MALRD1: variants seen among roughly 807,000 people sequenced by gnomAD.
The protein encoded by MALRD1 is MAM and LDL-receptor class A domain-containing protein 1.
MALRD1 carries 247 observed loss-of-function variants against 242.1 expected under a neutral mutation model. That is an observed-to-expected ratio of 1.02 (90% CI 0.92 to 1.13). The LOEUF (loss-of-function observed/expected upper bound fraction) is 1.13, where lower values mean the gene tolerates loss of function less well. Ranked by LOEUF, MALRD1 falls within the 50% of genes most tolerant of loss-of-function variation. The pLI, the probability that MALRD1 is intolerant of heterozygous loss-of-function variation, is 0.00. For missense variants in MALRD1, 2,989 were observed against 2,533.1 expected (o/e 1.18, Z -3.86); for synonymous variants, 995 against 866.6 (o/e 1.15, Z -2.60).
Position 19,579,205 on chromosome 10 carries a change from G to A in MALRD1, c.5680+11502G>A, listed in dbSNP as rs986048344. On this transcript the variant is annotated intron_variant, in intron 33 of 39. Transcript: ENST00000454679. ...TTGTTCTATTTGATTGCATCATAAA[G>A]TAGTTGAGATATTGCACCTGGAAGG... is the stretch of plus-strand genomic sequence containing the variant. Among the ~76,000 whole-genome samples the A allele has an allele frequency of 2.0e-5, 3 of 152,278 alleles. No homozygotes were observed. The East Asian group carries it at 5.8e-4, about 29-fold the overall frequency.
chr10:19,270,160 C>A (rs1050868815), intron 19 of MALRD1, among the ~76,000 whole-genome samples: 3 of 152,054 alleles, frequency 2.0e-5, no homozygotes, highest in African/African-American at 7.2e-5. Flanking sequence ...ACTGAAAATA[C>A]AAAAACTTAG....
At chr10:19,094,779 C>T (rs1293219712) in intron 4 of MALRD1, among the ~76,000 whole-genome samples, 1 of 152,196 alleles carries the variant, frequency 6.6e-6, no homozygotes, top group African/African-American at 2.4e-5. Flanking sequence ...AAACTTAACA[C>T]AGTCTTTATT....
intron 23 of MALRD1, 90 bp downstream of exon 23, chr10:19,327,763 C>T (rs1308728627): frequency 6.6e-6 from 7 of 1,055,364 alleles, no homozygotes; most frequent in Non-Finnish European, 9.8e-6. Flanking sequence ...GTCTTCTTGC[C>T]CCCATTCCCT....
intron 5 of MALRD1, among the ~76,000 whole-genome samples, chr10:19,122,093 G>T (rs1223776445): frequency 6.6e-6 from 1 of 152,160 alleles, no homozygotes; most frequent in Non-Finnish European, 1.5e-5. Context: ...TAGAGTTTTT[G>T]CCATGAGAGT....
intron 21 of MALRD1, among the ~76,000 whole-genome samples, chr10:19,299,520 A>G (rs886131023): frequency 6.6e-5 from 10 of 152,000 alleles, no homozygotes; most frequent in African/African-American, 2.2e-4. Context: ...ACCTGAATTC[A>G]TAAAACAAAT....
intron 14 of MALRD1, among the ~76,000 whole-genome samples, chr10:19,198,445 A>C (rs975347742): frequency 3.3e-5 from 5 of 152,230 alleles, no homozygotes; most frequent in African/African-American, 1.2e-4. Flanking sequence ...ATGGGCTGCA[A>C]ATAAACTTGT....
chr10:19,563,344 T>A (rs1261659154), intron 32 of MALRD1, among the ~76,000 whole-genome samples: 1 of 152,162 alleles, frequency 6.6e-6, no homozygotes, highest in Non-Finnish European at 1.5e-5. Flanking sequence ...TACTTTAGAT[T>A]TTTTTCTTTC....
At chr10:19,667,038 A>G (rs1841709103) in intron 36 of MALRD1, among the ~76,000 whole-genome samples, 1 of 152,166 alleles carries the variant, frequency 6.6e-6, no homozygotes, top group South Asian at 2.1e-4. Context: ...TAAATGGGAC[A>G]GAAATTGCTT....
intron 32 of MALRD1, among the ~76,000 whole-genome samples, chr10:19,566,963 TTTC>T (rs1209268865): frequency 1.3e-5 from 2 of 152,156 alleles, no homozygotes; most frequent in Non-Finnish European, 2.9e-5. Context: ...TGTTTCCTTA[TTTC>T]TTGCATTTGT....
At chr10:19,120,345 A>C (rs1036410557) in intron 5 of MALRD1, among the ~76,000 whole-genome samples, 7 of 152,200 alleles carry the variant, frequency 4.6e-5, no homozygotes, top group African/African-American at 1.4e-4. Context: ...TGATATGTCA[A>C]ATATGTTGAT....
At chr10:19,605,059 C>G (rs1276486460) in intron 34 of MALRD1, among the ~76,000 whole-genome samples, 1 of 152,054 alleles carries the variant, frequency 6.6e-6, no homozygotes, top group Non-Finnish European at 1.5e-5. Context: ...CTATGTATAT[C>G]CTAAAATGAT....
At chr10:19,539,179 A>G (rs550573181) in intron 32 of MALRD1, among the ~76,000 whole-genome samples, 6 of 152,300 alleles carry the variant, frequency 3.9e-5, no homozygotes, top group Non-Finnish European at 7.4e-5. Context: ...TCATAAATTA[A>G]TTAGTCTGAT....
chr10:19,319,664 CTT>C (rs978613259), intron 21 of MALRD1, among the ~76,000 whole-genome samples: 3 of 151,972 alleles, frequency 2.0e-5, no homozygotes, highest in Admixed American at 6.6e-5. Context: ...CTATTTCCTC[CTT>C]CATGGATGGT....
At chr10:19,283,614 C>G (rs180974988) in intron 21 of MALRD1, among the ~76,000 whole-genome samples, 1 of 151,892 alleles carries the variant, frequency 6.6e-6, no homozygotes, top group Admixed American at 6.6e-5. Flanking sequence ...TTTCTCACTC[C>G]GATGTGTATT....
chr10:19,528,822 T>A (rs1391489100), intron 31 of MALRD1, among the ~76,000 whole-genome samples: 2 of 152,108 alleles, frequency 1.3e-5, no homozygotes, highest in East Asian at 3.9e-4. Flanking sequence ...CTTTTTAGAT[T>A]CATTAGAGAA....
intron 2 of MALRD1, among the ~76,000 whole-genome samples, chr10:19,079,900 C>G (rs1204884791): frequency 6.6e-6 from 1 of 151,992 alleles, no homozygotes; most frequent in East Asian, 1.9e-4. Flanking sequence ...GCTCCTTAAG[C>G]TGATAAGCAA....
At chr10:19,321,226 C>G (rs1268791156) in intron 21 of MALRD1, among the ~76,000 whole-genome samples, 2 of 152,090 alleles carry the variant, frequency 1.3e-5, no homozygotes, top group Admixed American at 6.6e-5. Flanking sequence ...CTATTCCTGT[C>G]TTCTTGTATT....
chr10:19,432,493 T>C (rs1043465536), intron 28 of MALRD1, among the ~76,000 whole-genome samples: 1 of 152,200 alleles, frequency 6.6e-6, no homozygotes, highest in East Asian at 1.9e-4. Flanking sequence ...ATGCCTTAAT[T>C]CATTCAGTTG....
chr10:19,386,715 T>A (rs1846091685), intron 26 of MALRD1, among the ~76,000 whole-genome samples: 1 of 61,376 alleles, frequency 1.6e-5, no homozygotes, highest in Non-Finnish European at 3.3e-5. Flanking sequence ...CAAATACATA[T>A]ACATATACAC....
Sources: allele counts gnomAD v4.1 joint callset (sites outside exome capture counted in the v4.1 genomes callset), GRCh38; gene constraint gnomAD v4.1.1; transcripts MANE v1.5; gene names NCBI Gene and HGNC (gene_info 2026-07-23, HGNC 2026-07-21).